Variants in CA10 observed in about 807,000 individuals in gnomAD.
CA10 encodes carbonic anhydrase 10 (inactive), also known as carbonic anhydrase-related protein 10.
In CA10, 14 loss-of-function variants were observed where a neutral mutation model predicts 44.2. That is an observed-to-expected ratio of 0.32 (90% CI 0.21 to 0.50). The LOEUF (loss-of-function observed/expected upper bound fraction) is 0.50, where lower values mean the gene tolerates loss of function less well. CA10 is among the 20% of genes least tolerant of loss of function. The pLI is 0.99. For synonymous variants in CA10, 159 were observed against 141.6 expected, an observed-to-expected ratio of 1.12 and a Z score of -0.87; for missense variants, 350 against 409.7, an observed-to-expected ratio of 0.85 and a Z score of 1.26.
intron 3 of CA10, among the ~76,000 whole-genome samples, chr17:51,795,154 A>G (rs1906658927): frequency 6.6e-6 from 1 of 152,222 alleles, no homozygotes; most frequent in African/African-American, 2.4e-5. Flanking sequence ...AGAGTCTGAC[A>G]TACAGCCCCT....
chr17:51,820,045 G>A (rs1019521714), intron 3 of CA10, among the ~76,000 whole-genome samples: 1 of 152,022 alleles, frequency 6.6e-6, no homozygotes, highest in Admixed American at 6.5e-5. Flanking sequence ...ATAAGAACCT[G>A]ATGAGGCTGT....
chr17:51,852,145 T>G lies in CA10; in HGVS notation c.279+78845A>C, dbSNP rs142416761. ...CAGCCTTTAAACCTTCCAGGGCCAG[T>G]GTTAGAATCAGGGCAGAAGCACCCG... On this transcript the variant is annotated intron_variant, in intron 3 of 8. Coordinates refer to ENST00000451037, the MANE Select transcript of CA10 (RefSeq NM_020178.5). 4.1e-3 allele frequency among the ~76,000 whole-genome samples: 617 copies of G among 152,236 alleles called. 1 individual carries two copies. Among genetic ancestry groups the G allele is most frequent in the African/African-American group, 0.014 (586 of 41,538 alleles).
intron 2 of CA10, among the ~76,000 whole-genome samples, chr17:52,071,375 GA>G (rs1167328763): frequency 6.6e-6 from 1 of 152,122 alleles, no homozygotes. Flanking sequence ...ATACAAATGA[GA>G]AAAAATGATG....
At chr17:51,986,922 C>T (rs1984858933) in intron 2 of CA10, among the ~76,000 whole-genome samples, 1 of 151,962 alleles carries the variant, frequency 6.6e-6, no homozygotes, top group South Asian at 2.1e-4. Context: ...ATGTAAACTA[C>T]TACAACCACT....
intron 4 of CA10, among the ~76,000 whole-genome samples, chr17:51,665,290 G>C (rs769490360): frequency 4.0e-5 from 6 of 151,686 alleles, no homozygotes; most frequent in Admixed American, 1.3e-4. Flanking sequence ...TTGACTGTAG[G>C]GGATGAATAT....
chr17:51,854,704 C>T (rs1047486981), intron 3 of CA10, among the ~76,000 whole-genome samples: 3 of 150,506 alleles, frequency 2.0e-5, no homozygotes, highest in Non-Finnish European at 2.9e-5. Context: ...ACAAGGCACT[C>T]TAAAGGCTTC....
intron 2 of CA10, among the ~76,000 whole-genome samples, chr17:52,069,980 GAGGTA>G (rs1987637449): frequency 6.6e-6 from 1 of 152,208 alleles, no homozygotes; most frequent in Non-Finnish European, 1.5e-5. Flanking sequence ...CAAGTAATAA[GAGGTA>G]AGGGGTCCAT....
At chr17:52,099,158 GA>G (rs370539860) in intron 1 of CA10, among the ~76,000 whole-genome samples, 1 of 151,518 alleles carries the variant, frequency 6.6e-6, no homozygotes, top group African/African-American at 2.4e-5. Context: ...TAGATAATAA[GA>G]AAAAAAAGGG....
chr17:52,150,238 C>G (rs1989674635), intron 1 of CA10, among the ~76,000 whole-genome samples: 1 of 152,172 alleles, frequency 6.6e-6, no homozygotes, highest in South Asian at 2.1e-4. Context: ...GAGACTCACC[C>G]TAAGCATCCT....
rs374581093 is a variant in CA10, at chr17:51,649,981, C to A, written c.562-727G>T. On this transcript the variant is annotated intron_variant, in intron 5 of 8. Coordinates refer to ENST00000451037, the MANE Select transcript of CA10 (RefSeq NM_020178.5). ...ACCAACCATCCATCCATCCAGCCAG[C>A]CAGTCAGCCAGCCAGCCAGCCAGCC... 2.2e-3 allele frequency among the ~76,000 whole-genome samples: 212 copies of A among 97,538 alleles called. 1 individual carries two copies. Among genetic ancestry groups the A allele is most frequent in the African/African-American group, 6.9e-3 (201 of 29,316 alleles). 64.0% of individuals were successfully genotyped at this position (97,538 alleles called of 152,430 possible).
In CA10 at chr17:51,692,366, CCTATCTATCTATCTATCTATCTAT is replaced by C. The variant is rs71728413; in HGVS notation, c.466-38654_466-38631del. 2.8e-3 allele frequency among the ~76,000 whole-genome samples: 401 copies of C among 141,260 alleles called. 1 individual carries two copies. The highest frequency in any genetic ancestry group is 3.9e-3 in the Non-Finnish European group (254 of 64,610). The allele number at this position is 141,260 out of a possible 152,430, so 92.7% of individuals were successfully genotyped here. A position where few individuals can be genotyped will look rare whatever the true frequency, so the allele number is the denominator to read the frequency against. ...TCTACCTACCTATCTACCTATCCAT[CCTATCTATCTATCTATCTATCTAT>C]CTATCTATCTATCTATCTATCTATC... On this transcript the variant is annotated intron_variant, in intron 4 of 8. Transcript: ENST00000451037.
intron 3 of CA10, among the ~76,000 whole-genome samples, chr17:51,822,294 T>C (rs1907837976): frequency 6.6e-6 from 1 of 152,074 alleles, no homozygotes; most frequent in Non-Finnish European, 1.5e-5. Flanking sequence ...GGCGTGTGCC[T>C]GTAATCCCAG....
chr17:51,838,751 C>T (rs552325913), intron 3 of CA10, among the ~76,000 whole-genome samples: 3 of 152,312 alleles, frequency 2.0e-5, no homozygotes, highest in East Asian at 3.9e-4. Context: ...CAAAGAAGAT[C>T]GTTGGAAAAC....
chr17:51,704,324 G>A (rs1248664699), intron 4 of CA10, among the ~76,000 whole-genome samples: 1 of 152,226 alleles, frequency 6.6e-6, no homozygotes, highest in East Asian at 1.9e-4. Flanking sequence ...CAGGCTTCAT[G>A]TAAAAGCACA....
At chr17:51,645,013 G>T (rs1339769465) in intron 6 of CA10, among the ~76,000 whole-genome samples, 1 of 151,962 alleles carries the variant, frequency 6.6e-6, no homozygotes, top group African/African-American at 2.4e-5. Flanking sequence ...GGTCAGGCTG[G>T]TCTCGAACTC....
At chr17:51,775,475 G>A (rs769345028) in intron 3 of CA10, among the ~76,000 whole-genome samples, 18 of 152,152 alleles carry the variant, frequency 1.2e-4, no homozygotes, top group Non-Finnish European at 5.9e-5. Context: ...GGTAGGGAAT[G>A]TTATTTACTA....
Position 51,978,257 on chromosome 17 carries a change from G to A in CA10, c.137-47125C>T, listed in dbSNP as rs181445856. Among the ~76,000 whole-genome samples, 17 of 152,022 alleles carry A rather than the reference G, an allele frequency of 1.1e-4. 1 individual carries two copies. The highest frequency in any genetic ancestry group is 3.4e-3 in the Middle Eastern group (1 of 294). On this transcript the variant is annotated intron_variant, in intron 2 of 8. Coordinates refer to ENST00000451037, the MANE Select transcript of CA10 (RefSeq NM_020178.5). ...AAGTTGGATAACTTAAAAACTTACC[G>A]TAAAGCTTCAGTAATCAAAATAGTG...
At chr17:51,830,123 G>C (rs1908178831) in intron 3 of CA10, among the ~76,000 whole-genome samples, 1 of 149,868 alleles carries the variant, frequency 6.7e-6, no homozygotes, top group Admixed American at 6.7e-5. Flanking sequence ...CTTGAACCCG[G>C]GAGGCAGAGG....
At chr17:51,734,985 C>T (rs969365474) in intron 4 of CA10, among the ~76,000 whole-genome samples, 5 of 152,148 alleles carry the variant, frequency 3.3e-5, no homozygotes, top group African/African-American at 7.2e-5. Flanking sequence ...GCTTTTTCTC[C>T]TGGCAGCCTT....
Sources: gnomAD v4.1 joint callset for allele counts (sites outside exome capture counted in the v4.1 genomes callset) on GRCh38, gnomAD v4.1.1 for gene constraint, MANE v1.5 for transcripts, NCBI Gene and HGNC (gene_info 2026-07-23, HGNC 2026-07-21) for gene names.